Variants in ICE2 observed in about 807,000 individuals in gnomAD.
ICE2 encodes the protein little elongation complex subunit 2.
In ICE2, 87 loss-of-function variants were observed where a neutral mutation model predicts 105.4. The ratio of observed to expected loss-of-function variants is 0.83; its 90% CI spans 0.69 to 0.99. The LOEUF is 0.99. Ranked by LOEUF, ICE2 falls within the 50% of genes least tolerant of loss-of-function variation. ICE2 has a pLI of 0.00. For missense variants in ICE2, 1,323 were observed against 1,146.7 expected, an observed-to-expected ratio of 1.15 and a Z score of -2.22; for synonymous variants, 399 against 392.0, an observed-to-expected ratio of 1.02 and a Z score of -0.21.
At chr15:60,437,033 A>G (rs1165141676) in intron 12 of ICE2, among the ~76,000 whole-genome samples, 1 of 151,992 alleles carries the variant, frequency 6.6e-6, no homozygotes, top group Non-Finnish European at 1.5e-5. Flanking sequence ...CGGGCAGATC[A>G]CCTGAGGTCA....
intron 14 of ICE2, among the ~76,000 whole-genome samples, chr15:60,429,094 A>G (rs2063400050): frequency 6.6e-6 from 1 of 152,348 alleles, no homozygotes; most frequent in East Asian, 1.9e-4. Context: ...ATGACTAGAT[A>G]CAAAAGTGAA....
rs1243956631 is a variant in ICE2 at position 60,420,275 on chromosome 15, C to T, written c.*3359G>A. The T allele has an allele frequency of 6.6e-6, 1 of 152,070 alleles. No homozygotes were observed. The highest frequency in any genetic ancestry group is 1.5e-5 in the Non-Finnish European group (1 of 68,012). 9.4% of individuals were successfully genotyped at this position (152,070 alleles called of 1,614,324 possible). ...AGAAACCCAGAAGCCATACTTTACTCTCCTTACCAACAACAAAACTGAGTT... is the reference window on the plus strand; with the variant it reads ...AGAAACCCAGAAGCCATACTTTACTTTCCTTACCAACAACAAAACTGAGTT... On this transcript the variant is annotated 3_prime_UTR_variant, in exon 16 of 16. Transcript: ENST00000261520.
chr15:60,448,410 T>C (rs569191461), intron 10 of ICE2, among the ~76,000 whole-genome samples: 1 of 152,292 alleles, frequency 6.6e-6, no homozygotes, highest in South Asian at 2.1e-4. Flanking sequence ...GCATACCATG[T>C]GAGAAAAATA....
At position 60,436,149 on chromosome 15, in the gene ICE2, G is replaced by A. The variant is rs760230088; in HGVS notation, c.2504C>T (p.Ala835Val). The A allele has an allele frequency of 7.1e-7, 1 of 1,411,036 alleles. No individual in the cohort carries two copies. The highest frequency in any genetic ancestry group is 9.6e-7 in the Non-Finnish European group (1 of 1,044,476). 87.4% of individuals were successfully genotyped at this position (1,411,036 alleles called of 1,614,324 possible). Residue 835 changes from alanine (A) to valine (V), a missense_variant, in exon 13 of 16, where the codon GCA (alanine) becomes GTA (valine). Ala to Val is a moderately conservative substitution (Grantham distance 64, BLOSUM62 0). Transcript: ENST00000261520. ...ACAAAGTAAACTTTCTTACTTGAGT[G>A]CTGAAAGCTTTTCTTTTAATTCTTC... ...TSEELKEKLS[A>V]LKISNLFNIL...
chr15:60,434,973 T>C (rs1429764839), intron 13 of ICE2, among the ~76,000 whole-genome samples: 2 of 152,182 alleles, frequency 1.3e-5, no homozygotes, highest in East Asian at 1.9e-4. Context: ...TTACACACTG[T>C]ATATGGGTAT....
At chr15:60,478,930 G>A in intron 1 of ICE2, 73 bp downstream of exon 1, 1 of 455,402 alleles carries the variant, frequency 2.2e-6, no homozygotes, top group South Asian at 1.6e-5. Flanking sequence ...TCCCGCCCCT[G>A]CATGAGCACG....
At chr15:60,424,786 A>C (rs916576792) in intron 15 of ICE2, among the ~76,000 whole-genome samples, 3 of 152,196 alleles carry the variant, frequency 2.0e-5, no homozygotes, top group African/African-American at 7.2e-5. Flanking sequence ...GATTATGGGC[A>C]TGAGCCACCG....
chr15:60,465,782 G>C (rs2064408709), intron 5 of ICE2, among the ~76,000 whole-genome samples: 1 of 136,102 alleles, frequency 7.3e-6, no homozygotes, highest in African/African-American at 2.8e-5. Flanking sequence ...ACAGGGTATC[G>C]CTCTGTCACC....
intron 11 of ICE2, 95 bp downstream of exon 11, chr15:60,447,875 G>A (rs979727780): frequency 1.6e-5 from 16 of 1,001,114 alleles, no homozygotes; most frequent in Non-Finnish European, 2.4e-5. Flanking sequence ...ATACTACTAT[G>A]AGTGCTCAAC....
At chr15:60,434,963 T>C (rs2063550023) in intron 13 of ICE2, among the ~76,000 whole-genome samples, 1 of 152,214 alleles carries the variant, frequency 6.6e-6, no homozygotes. Flanking sequence ...GATTTGGTCA[T>C]TACACACTGT....
intron 1 of ICE2, chr15:60,478,757 G>A (rs1470979132): frequency 5.7e-6 from 2 of 351,230 alleles, no homozygotes; most frequent in Non-Finnish European, 5.7e-6. Context: ...TGGAGCTGGG[G>A]GGGAATAGTC....
chr15:60,465,222 C>T (rs953217414), intron 5 of ICE2, among the ~76,000 whole-genome samples: 11 of 151,782 alleles, frequency 7.2e-5, no homozygotes, highest in South Asian at 4.1e-4. Context: ...GACAGGGTCA[C>T]GTTCTGTCAT....
intron 9 of ICE2, chr15:60,451,941 T>C (rs796500150): frequency 3.2e-5 from 11 of 342,780 alleles, no homozygotes; most frequent in African/African-American, 2.4e-4. Flanking sequence ...TTCCTCACTA[T>C]CTTGTTAGCT....
intron 15 of ICE2, among the ~76,000 whole-genome samples, chr15:60,428,132 C>T (rs1437572774): frequency 6.6e-6 from 1 of 152,130 alleles, no homozygotes; most frequent in Non-Finnish European, 1.5e-5. Flanking sequence ...CACAACTTTG[C>T]TTTTCATAGG....
intron 12 of ICE2, chr15:60,441,198 G>C (rs542940122): frequency 7.2e-5 from 11 of 152,246 alleles, no homozygotes; most frequent in African/African-American, 2.6e-4. Flanking sequence ...TTTGGTTACA[G>C]AATGAAAATT....
At chr15:60,471,445 C>T (rs2064590765) in intron 3 of ICE2, among the ~76,000 whole-genome samples, 1 of 152,212 alleles carries the variant, frequency 6.6e-6, no homozygotes, top group African/African-American at 2.4e-5. Context: ...ACAGCTGTCA[C>T]TCTGAATATG....
In ICE2 at chr15:60,449,269, T is replaced by C. The variant is rs756353462; in HGVS notation, c.1698A>G (p.Thr566=). 4.3e-6 allele frequency: 7 copies of C among 1,613,496 alleles called. No homozygotes were observed. Among genetic ancestry groups the C allele is most frequent in the Non-Finnish European group, 5.9e-6 (7 of 1,180,000 alleles). The change falls in exon 10 of 16, where the codon ACA becomes ACG. Residue 566 remains threonine (T), a synonymous_variant. Coordinates refer to ENST00000261520, the MANE Select transcript of ICE2 (RefSeq NM_024611.6). ...VGSEAAKTED[T]VLCSSDTDEE... ...CATCTGTATCACTGCTGCAGAGAAC[T>C]GTATCTTCAGTTTTTGCTGCTTCTG...
Position 60,453,961 on chromosome 15 carries a change from G to A in ICE2, c.944-177C>T, listed in dbSNP as rs185096981. Among the ~76,000 whole-genome samples the A allele has an allele frequency of 8.5e-5, 13 of 152,210 alleles. No individual in the cohort carries two copies. In the East Asian group the frequency reaches 2.5e-3, roughly 29 times the overall value. ...ATATTAAAGTCCTTTAGAAATCTAAGGGCAAGAAAATCCAACTGGCAGGAG... is the reference window on the plus strand; with the variant it reads ...ATATTAAAGTCCTTTAGAAATCTAAAGGCAAGAAAATCCAACTGGCAGGAG... On this transcript the variant is annotated intron_variant, in intron 8 of 15. Coordinates refer to ENST00000261520, the MANE Select transcript of ICE2 (RefSeq NM_024611.6).
At chr15:60,447,788 C>A in intron 11 of ICE2, 182 bp downstream of exon 11, 1 of 515,674 alleles carries the variant, frequency 1.9e-6, no homozygotes. Context: ...CTACTATATA[C>A]AAACACTTTC....
Sources: allele counts gnomAD v4.1 joint callset (sites outside exome capture counted in the v4.1 genomes callset), GRCh38; gene constraint gnomAD v4.1.1; transcripts MANE v1.5; gene names NCBI Gene and HGNC (gene_info 2026-07-23, HGNC 2026-07-21).